TNRC6B: variants seen among roughly 807,000 people sequenced by gnomAD.
The protein encoded by TNRC6B is trinucleotide repeat containing adaptor 6B, also known as trinucleotide repeat-containing gene 6B protein.
In TNRC6B, 52 loss-of-function variants were observed where a neutral mutation model predicts 203.6. That is an observed-to-expected ratio of 0.26 (90% CI 0.20 to 0.32). TNRC6B has a LOEUF of 0.32. Ranked by LOEUF, TNRC6B falls within the 10% of genes least tolerant of loss-of-function variation. TNRC6B has a pLI of 1.00. For synonymous variants in TNRC6B, 838 were observed against 845.7 expected, an observed-to-expected ratio of 0.99 and a Z score of 0.16; for missense variants, 1,923 against 2,286.2, an observed-to-expected ratio of 0.84 and a Z score of 3.24.
intron 1 of TNRC6B, among the ~76,000 whole-genome samples, chr22:40,062,224 A>G (rs962987961): frequency 8.5e-5 from 13 of 152,140 alleles, no homozygotes; most frequent in African/African-American, 3.1e-4. Flanking sequence ...TTTTTGAGAT[A>G]GAGTCTCACT....
At chr22:40,249,181 A>C (rs2070150134) in intron 2 of TNRC6B, among the ~76,000 whole-genome samples, 1 of 152,180 alleles carries the variant, frequency 6.6e-6, no homozygotes, top group African/African-American at 2.4e-5. Context: ...CTTCACTGTT[A>C]GACTGACTGT....
intron 1 of TNRC6B, among the ~76,000 whole-genome samples, chr22:40,218,900 G>A (rs531777811): frequency 6.6e-6 from 1 of 152,228 alleles, no homozygotes; most frequent in Non-Finnish European, 1.5e-5. Flanking sequence ...GCTTGATCCT[G>A]ATGGGAAGGA....
chr22:40,303,186 C>G (rs2071048226), intron 15 of TNRC6B, among the ~76,000 whole-genome samples: 1 of 151,814 alleles, frequency 6.6e-6, no homozygotes, highest in African/African-American at 2.4e-5. Context: ...CATGCCACCA[C>G]TCCCAGCTAA....
rs921902916 is a variant in TNRC6B, at chr22:40,289,139, C to G, written c.3708+3369C>G. On this transcript the variant is annotated intron_variant, in intron 12 of 22. Coordinates refer to ENST00000454349, the MANE Select transcript of TNRC6B (RefSeq NM_001162501.2). ...CTACAAAAAATTTTTTTTAATGATC[C>G]AGGCATGGTGGTGTGTACCTTTAGT... Among the ~76,000 whole-genome samples the G allele has an allele frequency of 1.6e-4, 25 of 151,888 alleles. 1 individual carries two copies. Among genetic ancestry groups the G allele is most frequent in the Non-Finnish European group, 1.0e-4 (7 of 67,980 alleles).
chr22:40,143,658 C>T (rs567148721), intron 3 of TNRC6B, among the ~76,000 whole-genome samples: 8 of 151,940 alleles, frequency 5.3e-5, no homozygotes, highest in Non-Finnish European at 1.0e-4. Context: ...CACCACGCCC[C>T]GCTAATTTTT....
At chr22:40,155,993 C>A in intron 3 of TNRC6B, 2 of 771,036 alleles carry the variant, frequency 2.6e-6, no homozygotes, top group Non-Finnish European at 2.1e-6. Context: ...TTGGCCCAGG[C>A]TTCTGTTCTG....
chr22:40,143,713 G>A (rs562012451), intron 3 of TNRC6B, among the ~76,000 whole-genome samples: 110 of 152,262 alleles, frequency 7.2e-4, no homozygotes, highest in African/African-American at 2.2e-3. Flanking sequence ...AGCCAGGATG[G>A]TCTCGATCTC....
rs1054653148 is a variant in TNRC6B, at chr22:40,205,089, A to C, written c.5+26949A>C. Among the ~76,000 whole-genome samples the C allele has an allele frequency of 2.0e-5, 3 of 152,254 alleles. No individual in the cohort carries two copies. The East Asian group carries it at 5.8e-4, about 29-fold the overall frequency. ...AATGATAATCTCAGGTGTGTTCCAC[A>C]GATGTGATCTAATAAATTGATCAAC... On this transcript the variant is annotated intron_variant, in intron 1 of 22. Transcript: ENST00000454349.
At chr22:40,058,705 T>A (rs965283904) in intron 1 of TNRC6B, among the ~76,000 whole-genome samples, 11 of 152,234 alleles carry the variant, frequency 7.2e-5, no homozygotes, top group African/African-American at 2.4e-4. Flanking sequence ...AGAGGCGTGA[T>A]GCTGTTGGAT....
chr22:40,228,257 G>A (rs535111000), intron 1 of TNRC6B, among the ~76,000 whole-genome samples: 41 of 151,804 alleles, frequency 2.7e-4, no homozygotes, highest in African/African-American at 9.9e-4. Flanking sequence ...GTGAAACCCC[G>A]TCTCTACTAA....
intron 3 of TNRC6B, among the ~76,000 whole-genome samples, chr22:40,144,843 G>A (rs1054241006): frequency 5.3e-5 from 8 of 151,894 alleles, no homozygotes; most frequent in Non-Finnish European, 8.8e-5. Flanking sequence ...TTAATAGGGC[G>A]ATCTTCAAGG....
chr22:40,310,396 G>A (rs987752106), intron 16 of TNRC6B, among the ~76,000 whole-genome samples: 3 of 152,224 alleles, frequency 2.0e-5, no homozygotes, highest in African/African-American at 4.8e-5. Context: ...TGGGTGGATA[G>A]CATCAGTAGA....
chr22:40,089,479 C>T (rs951303044), intron 1 of TNRC6B, among the ~76,000 whole-genome samples: 8 of 152,050 alleles, frequency 5.3e-5, no homozygotes, highest in Non-Finnish European at 1.0e-4. Context: ...ATAATCCACC[C>T]GCCTCAGCCT....
rs545050152 is a variant in TNRC6B, at chr22:40,047,545, G to A, written c.-121+2547G>A. The stretch of plus-strand genomic sequence containing the variant: ...TTGAACCCGGGAGGCGGAGGTTGCA[G>A]TGAGCCGAGATTGTGCCATTGCACT... On this transcript the variant is annotated intron_variant, in intron 1 of 23. Coordinates refer to the TNRC6B transcript ENST00000301923. Among the ~76,000 whole-genome samples the A allele has an allele frequency of 3.3e-5, 5 of 152,244 alleles. No individual in the cohort carries two copies. In the East Asian group the frequency reaches 7.7e-4, roughly 23 times the overall value.
intron 1 of TNRC6B, among the ~76,000 whole-genome samples, chr22:40,079,970 T>C (rs1265822323): frequency 6.6e-6 from 1 of 152,082 alleles, no homozygotes; most frequent in Non-Finnish European, 1.5e-5. Flanking sequence ...TAATTTTTTG[T>C]ATTTTTAGTA....
intron 8 of TNRC6B, among the ~76,000 whole-genome samples, chr22:40,277,439 A>G (rs1043833184): frequency 3.3e-5 from 5 of 152,192 alleles, no homozygotes; most frequent in African/African-American, 9.6e-5. Context: ...TTCCAACCGC[A>G]TTACTGTACT....
intron 1 of TNRC6B, among the ~76,000 whole-genome samples, chr22:40,208,433 G>A (rs151007745): frequency 1.5e-4 from 23 of 152,318 alleles, no homozygotes; most frequent in Non-Finnish European, 3.1e-4. Context: ...TATAAATACA[G>A]CGTGGTACTC....
Position 40,312,968 on chromosome 22 carries a change from A to G in TNRC6B, c.4649A>G (p.Asn1550Ser). The change falls in exon 19 of 23, where the codon AAC (asparagine) becomes AGC (serine). Residue 1550 changes from asparagine (N) to serine (S), a missense_variant. Around this residue, in one of 8 missense-constraint regions of TNRC6B, gnomAD observed 159 missense variants for 181.0 expected, o/e 0.88. Coordinates refer to ENST00000454349, the MANE Select transcript of TNRC6B (RefSeq NM_001162501.2). ...PGAWPYSASD[N>S]SFTNVHSTSA... is the part of the protein sequence containing the mutation. ...GCCTGGCCCTACAGTGCCTCTGACA[A>G]CTCCTTTACCAACGTTCATAGCACT... The G allele has an allele frequency of 6.2e-7, 1 of 1,613,470 alleles. No homozygotes were observed. Among genetic ancestry groups the G allele is most frequent in the Admixed American group, 1.7e-5 (1 of 59,964 alleles).
At chr22:40,297,683 G>A (rs1434972800) in intron 12 of TNRC6B, among the ~76,000 whole-genome samples, 3 of 151,990 alleles carry the variant, frequency 2.0e-5, no homozygotes, top group Admixed American at 2.0e-4. Flanking sequence ...TTAGCTGGGT[G>A]TGGTGGTGCG....
Sources: allele counts gnomAD v4.1 joint callset (sites outside exome capture counted in the v4.1 genomes callset), GRCh38; gene constraint gnomAD v4.1.1; regional missense constraint gnomAD v4.1.1; transcripts MANE v1.5; gene names NCBI Gene and HGNC (gene_info 2026-07-23, HGNC 2026-07-21).